JAKMIP1: variants seen among roughly 807,000 people sequenced by gnomAD.
JAKMIP1 encodes janus kinase and microtubule interacting protein 1.
JAKMIP1 carries 33 observed loss-of-function variants against 113.0 expected under a neutral mutation model. The observed-to-expected ratio is 0.29, with a 90% confidence interval of 0.22 to 0.39. The LOEUF is 0.39. Among genes scored for constraint, JAKMIP1 ranks in the 10% least tolerant of loss-of-function variants. The pLI is 1.00. For synonymous variants in JAKMIP1, 480 were observed against 459.9 expected (o/e 1.04, Z -0.56); for missense variants, 813 against 1,080.5 (o/e 0.75, Z 3.47).
rs902302963 is a variant in JAKMIP1, at chr4:6,154,971, G to A, written c.-147-41974C>T. 1.3e-5 allele frequency among the ~76,000 whole-genome samples: 2 copies of A among 152,092 alleles called. No individual in the cohort carries two copies. Among genetic ancestry groups the A allele is most frequent in the South Asian group, 2.1e-4 (1 of 4,814 alleles). ...GGGTAGGGTGGGGGGTCTTAGCTGG[G>A]GTGGAGCCTGAGCCTCAGAGGCTTC... On this transcript the variant is annotated intron_variant, in intron 1 of 20. Coordinates refer to ENST00000409021, the MANE Select transcript of JAKMIP1 (RefSeq NM_001099433.2). This position sits in a 1 kb window ranked among gnomAD's most constrained non-coding sequence, Gnocchi z 4.2.
At chr4:6,110,602 T>C (rs1377181870) in intron 2 of JAKMIP1, among the ~76,000 whole-genome samples, 2 of 145,398 alleles carry the variant, frequency 1.4e-5, no homozygotes, top group African/African-American at 2.5e-5. Context: ...ACAGTAGGCA[T>C]GTAAAGGTCA....
At chr4:6,175,149 G>A (rs1384239559) in intron 1 of JAKMIP1, among the ~76,000 whole-genome samples, 1 of 152,054 alleles carries the variant, frequency 6.6e-6, no homozygotes, top group Non-Finnish European at 1.5e-5. Context: ...ACCAACATCA[G>A]GGGGCAGCAA....
rs370542501 is a variant in JAKMIP1, at chr4:6,199,530, C to T, written c.-148+723G>A. 6.6e-6 allele frequency among the ~76,000 whole-genome samples: 1 copy of T among 152,130 alleles called. No individual in the cohort carries two copies. The highest frequency in any genetic ancestry group is 1.9e-4 in the East Asian group (1 of 5,156). On this transcript the variant is annotated intron_variant, in intron 1 of 20. Transcript: ENST00000409021. The surrounding 1 kb of genome is among the most constrained non-coding windows in gnomAD (Gnocchi z 5.6). ...CTGGCACCACGAGAGTCAATCCTTG[C>T]GCGCCATCTCCGGAGGCCAGTGCGC...
intron 8 of JAKMIP1, among the ~76,000 whole-genome samples, chr4:6,068,986 A>G (rs1718566039): frequency 6.6e-6 from 1 of 152,218 alleles, no homozygotes; most frequent in African/African-American, 2.4e-5. Flanking sequence ...ATTATGCAGT[A>G]AGCCTACATG....
At chr4:6,063,757 T>A (rs545576248) in intron 9 of JAKMIP1, among the ~76,000 whole-genome samples, 181 of 152,260 alleles carry the variant, frequency 1.2e-3, no homozygotes, top group Non-Finnish European at 2.2e-3. Flanking sequence ...TCATTCCAGA[T>A]GGGACTCCAC....
intron 8 of JAKMIP1, among the ~76,000 whole-genome samples, chr4:6,077,211 T>G (rs1387176184): frequency 6.6e-6 from 1 of 152,204 alleles, no homozygotes; most frequent in East Asian, 1.9e-4. Context: ...GAGGTCACGT[T>G]GGAGTAGGGT....
rs1476845272 is a variant in JAKMIP1 at position 6,049,033 on chromosome 4, GTTT to G, written c.1963-114_1963-112del. 1 of 792,118 alleles carries G rather than the reference GTTT, an allele frequency of 1.3e-6. No individual in the cohort carries two copies. The highest frequency in any genetic ancestry group is 2.6e-5 in the East Asian group (1 of 38,268). The allele number at this position is 792,118 out of a possible 1,614,324, so 49.1% of individuals were successfully genotyped here. ...TCGTTGTTGTTGTTTGTTTTATTAT[GTTT>G]GTTTGTTTTGAGACGGAGTCTCTCT... is the stretch of plus-strand genomic sequence containing the variant. On this transcript the variant is annotated intron_variant, in intron 15 of 20. Transcript: ENST00000409021. The surrounding 1 kb of genome is among the most constrained non-coding windows in gnomAD (Gnocchi z 7.0).
rs1719567729 is a variant in JAKMIP1, at chr4:6,138,341, G to A, written c.-147-25344C>T. ...TGGCTCACTGCAACCTCTGCCTCCT[G>A]GGTTCAAGCGATTCTCCTGCCTCAG... On this transcript the variant is annotated intron_variant, in intron 1 of 20. Coordinates refer to ENST00000409021, the MANE Select transcript of JAKMIP1 (RefSeq NM_001099433.2). The surrounding 1 kb of genome is among the most constrained non-coding windows in gnomAD (Gnocchi z 6.0). Among the ~76,000 whole-genome samples, 1 of 152,100 alleles carries A rather than the reference G, an allele frequency of 6.6e-6. No individual in the cohort carries two copies. Among genetic ancestry groups the A allele is most frequent in the Non-Finnish European group, 1.5e-5 (1 of 68,022 alleles).
rs1933298093 is a variant in JAKMIP1, at chr4:6,200,235, C to CG, written c.-148+17dup. The CG allele has an allele frequency of 6.6e-6, 1 of 151,998 alleles. No homozygotes were observed. Among genetic ancestry groups the CG allele is most frequent in the Non-Finnish European group, 1.5e-5 (1 of 68,024 alleles). The allele number at this position is 151,998 out of a possible 1,614,324, so 9.4% of individuals were successfully genotyped here. A position where few individuals can be genotyped will look rare whatever the true frequency, so the allele number is the denominator to read the frequency against. ...TGGCCAGCGCTCGCCTCCCGCCCCCCGGCGCACCTGTACCCACCTGCTCGG... is the reference window on the plus strand; with the variant it reads ...TGGCCAGCGCTCGCCTCCCGCCCCCCGGGCGCACCTGTACCCACCTGCTCGG... On this transcript the variant is annotated intron_variant, in intron 1 of 20. Transcript: ENST00000409021. The surrounding 1 kb of genome is among the most constrained non-coding windows in gnomAD (Gnocchi z 7.0).
At chr4:6,149,228 T>A (rs539373451) in intron 1 of JAKMIP1, among the ~76,000 whole-genome samples, 1 of 152,318 alleles carries the variant, frequency 6.6e-6, no homozygotes, top group Non-Finnish European at 1.5e-5. Context: ...TGAGTGATTT[T>A]AATAAAAGTA....
At position 6,155,742 on chromosome 4, in the gene JAKMIP1, G is replaced by C. The variant is rs1722154657; in HGVS notation, c.-147-42745C>G. Among the ~76,000 whole-genome samples the C allele has an allele frequency of 1.3e-5, 2 of 152,214 alleles. No individual in the cohort carries two copies. The highest frequency in any genetic ancestry group is 1.9e-4 in the East Asian group (1 of 5,200). On this transcript the variant is annotated intron_variant, in intron 1 of 20. Coordinates refer to ENST00000409021, the MANE Select transcript of JAKMIP1 (RefSeq NM_001099433.2). This position sits in a 1 kb window ranked among gnomAD's most constrained non-coding sequence, Gnocchi z 6.1. ...CACATTTATAGAACGGGATATTATAGTGTCCTTTAAGCTGAAGCTCTATCA... is the reference window on the plus strand; with the variant it reads ...CACATTTATAGAACGGGATATTATACTGTCCTTTAAGCTGAAGCTCTATCA...
In JAKMIP1 at chr4:6,045,336, G is replaced by T. The variant is rs11935825; in HGVS notation, c.2029-3109C>A. 6.0e-3 allele frequency among the ~76,000 whole-genome samples: 912 copies of T among 152,332 alleles called. 10 individuals carry two copies. The highest frequency in any genetic ancestry group is 0.02 in the African/African-American group (840 of 41,562). The stretch of plus-strand genomic sequence containing the variant: ...AACCCTCCAATGTCTCATGGTTCAG[G>T]TTCTCTGTGGGGCACGTGCCATGTG... On this transcript the variant is annotated intron_variant, in intron 16 of 20. Transcript: ENST00000409021.
chr4:6,144,462 T>C (rs886410055), intron 1 of JAKMIP1, among the ~76,000 whole-genome samples: 1 of 152,154 alleles, frequency 6.6e-6, no homozygotes, highest in Non-Finnish European at 1.5e-5. Context: ...CCTACAAATA[T>C]AGATGCAAAA....
chr4:6,148,786 G>A (rs941224136), intron 1 of JAKMIP1, among the ~76,000 whole-genome samples: 14 of 152,364 alleles, frequency 9.2e-5, no homozygotes, highest in East Asian at 3.9e-4. Context: ...CCAGGACCTC[G>A]TCTGCCAGCA....
rs1393966463 is a variant in JAKMIP1, at chr4:6,080,325, G to A, written c.1102-13C>T. ...ACAGCTTTTCTTTCTGCAGCCACAG[G>A]GAGACAGACCACCACAGGGTTACCC... On this transcript the variant is annotated splice_polypyrimidine_tract_variant and intron_variant, in intron 6 of 20. Transcript: ENST00000409021. This position sits in a 1 kb window ranked among gnomAD's most constrained non-coding sequence, Gnocchi z 6.0. The A allele has an allele frequency of 6.2e-7, 1 of 1,612,828 alleles. No homozygotes were observed. The highest frequency in any genetic ancestry group is 1.7e-5 in the Admixed American group (1 of 59,934).
chr4:6,042,400 G>A lies in JAKMIP1; in HGVS notation c.2029-173C>T, dbSNP rs1357837356. Among the ~76,000 whole-genome samples, 1 of 152,164 alleles carries A rather than the reference G, an allele frequency of 6.6e-6. No homozygotes were observed. Among genetic ancestry groups the A allele is most frequent in the Non-Finnish European group, 1.5e-5 (1 of 68,032 alleles). On this transcript the variant is annotated intron_variant, in intron 16 of 20. Coordinates refer to ENST00000409021, the MANE Select transcript of JAKMIP1 (RefSeq NM_001099433.2). This position sits in a 1 kb window ranked among gnomAD's most constrained non-coding sequence, Gnocchi z 5.2. ...ATCTGTGGATGGCGTGGTTGTGTGT[G>A]CATGGTCCAGCCTGCATGTGCAGGA... is the stretch of plus-strand genomic sequence containing the variant.
rs1445075399 is a variant in JAKMIP1, at chr4:6,094,762, G to C, written c.625-9133C>G. Among the ~76,000 whole-genome samples the C allele has an allele frequency of 6.6e-6, 1 of 152,204 alleles. No homozygotes were observed. Among genetic ancestry groups the C allele is most frequent in the Admixed American group, 6.5e-5 (1 of 15,280 alleles). ...TAATCCCAGCACTTTGGGAGGCAGA[G>C]GCAGGACATTTGCTTTAGCTCAGGA... is the stretch of plus-strand genomic sequence containing the variant. On this transcript the variant is annotated intron_variant, in intron 3 of 20. Coordinates refer to ENST00000409021, the MANE Select transcript of JAKMIP1 (RefSeq NM_001099433.2). This position sits in a 1 kb window ranked among gnomAD's most constrained non-coding sequence, Gnocchi z 4.2.
rs200090027 is a variant in JAKMIP1 at position 6,125,914 on chromosome 4, ACACACCATG to A, written c.-147-12926_-147-12918del. Among the ~76,000 whole-genome samples the A allele has an allele frequency of 7.4e-4, 90 of 121,140 alleles. 1 individual carries two copies. Among genetic ancestry groups the A allele is most frequent in the Non-Finnish European group, 9.5e-4 (56 of 59,246 alleles). 79.5% of individuals were successfully genotyped at this position (121,140 alleles called of 152,430 possible). A position where few individuals can be genotyped will look rare whatever the true frequency, so the allele number is the denominator to read the frequency against. On this transcript the variant is annotated intron_variant, in intron 1 of 20. Coordinates refer to ENST00000409021, the MANE Select transcript of JAKMIP1 (RefSeq NM_001099433.2). Reference sequence around the variant, plus strand: ...ATGCAGAAACACACACACACACCATACACACCATGCAGAAACACACACACACCATACACA... The same window carrying A: ...ATGCAGAAACACACACACACACCATACAGAAACACACACACACCATACACA...
At chr4:6,113,506 T>A (rs867267748) in intron 1 of JAKMIP1, among the ~76,000 whole-genome samples, 12 of 152,350 alleles carry the variant, frequency 7.9e-5, no homozygotes, top group Middle Eastern at 3.4e-3. Flanking sequence ...AATGGACTTT[T>A]CGATTTCAGA....
Sources: allele counts gnomAD v4.1 joint callset (sites outside exome capture counted in the v4.1 genomes callset), GRCh38; gene constraint gnomAD v4.1.1; non-coding constraint Gnocchi (gnomAD v3.1); transcripts MANE v1.5; gene names NCBI Gene and HGNC (gene_info 2026-07-23, HGNC 2026-07-21).